Variants in PRKAR2A observed in about 807,000 individuals in gnomAD.
PRKAR2A encodes cAMP-dependent protein kinase type II-alpha regulatory subunit.
Under a neutral mutation model 51.9 loss-of-function variants are expected in PRKAR2A, and 29 were observed. That is an observed-to-expected ratio of 0.56 (90% CI 0.42 to 0.76). PRKAR2A has a LOEUF of 0.76. PRKAR2A is among the 30% of genes least tolerant of loss of function. The pLI is 0.00. For synonymous variants in PRKAR2A, 178 were observed against 186.2 expected, an observed-to-expected ratio of 0.96 and a Z score of 0.36; for missense variants, 445 against 512.1, an observed-to-expected ratio of 0.87 and a Z score of 1.26.
At chr3:48,788,591 T>C (rs898435153) in intron 4 of PRKAR2A, among the ~76,000 whole-genome samples, 2 of 152,182 alleles carry the variant, frequency 1.3e-5, no homozygotes, top group Non-Finnish European at 2.9e-5. Context: ...ACCCCAAAAT[T>C]TCATGTTAAA....
Position 48,790,526 on chromosome 3 carries a change from T to C in PRKAR2A, c.435+18A>G. ...TAAAAGATCATTATAATAAAAATAC[T>C]TTAGAAATCAATGTTACCTGATCAA... On this transcript the variant is annotated intron_variant, in intron 4 of 10. Transcript: ENST00000265563. The C allele has an allele frequency of 2.0e-6, 3 of 1,503,888 alleles. No homozygotes were observed. Among genetic ancestry groups the C allele is most frequent in the Non-Finnish European group, 2.7e-6 (3 of 1,121,312 alleles). The allele number at this position is 1,503,888 out of a possible 1,614,324, so 93.2% of individuals were successfully genotyped here. A position where few individuals can be genotyped will look rare whatever the true frequency, so the allele number is the denominator to read the frequency against.
Position 48,749,094 on chromosome 3 carries a change from A to G in PRKAR2A, c.*2491T>C, listed in dbSNP as rs932962818. The G allele has an allele frequency of 2.0e-5, 3 of 152,218 alleles. No individual in the cohort carries two copies. Among genetic ancestry groups the G allele is most frequent in the African/African-American group, 7.2e-5 (3 of 41,460 alleles). 9.4% of individuals were successfully genotyped at this position (152,218 alleles called of 1,614,324 possible). On this transcript the variant is annotated 3_prime_UTR_variant, in exon 11 of 11. Coordinates refer to ENST00000265563, the MANE Select transcript of PRKAR2A (RefSeq NM_004157.4). Reference sequence around the variant, plus strand: ...TGTGTGGGCCATCATTATCTACAATAGAAATGACTCAAGCCCTAGCATGTA... The same window carrying G: ...TGTGTGGGCCATCATTATCTACAATGGAAATGACTCAAGCCCTAGCATGTA...
At chr3:48,782,909 G>T in intron 5 of PRKAR2A, 77 bp downstream of exon 5, 1 of 1,077,622 alleles carries the variant, frequency 9.3e-7, no homozygotes, top group Non-Finnish European at 1.4e-6. Flanking sequence ...GCTGAATACA[G>T]AATAGGATAA....
At chr3:48,795,880 CG>C (rs1369135028) in intron 2 of PRKAR2A, among the ~76,000 whole-genome samples, 8 of 152,100 alleles carry the variant, frequency 5.3e-5, no homozygotes, top group Non-Finnish European at 1.0e-4. Context: ...AGTAAATAAA[CG>C]AACACACAGA....
At chr3:48,828,679 A>T (rs1276076366) in intron 1 of PRKAR2A, among the ~76,000 whole-genome samples, 5 of 125,104 alleles carry the variant, frequency 4.0e-5, no homozygotes, top group Non-Finnish European at 6.3e-5. Flanking sequence ...CTGTGATCGC[A>T]CCCGGGCAAC....
At chr3:48,811,046 G>T (rs1353959439) in intron 1 of PRKAR2A, among the ~76,000 whole-genome samples, 7 of 152,004 alleles carry the variant, frequency 4.6e-5, no homozygotes, top group Non-Finnish European at 1.5e-5. Context: ...AGGCGAGGTG[G>T]CATGCACTTG....
At chr3:48,760,697 T>G (rs2081850504) in intron 8 of PRKAR2A, among the ~76,000 whole-genome samples, 2 of 149,028 alleles carry the variant, frequency 1.3e-5, no homozygotes, top group Middle Eastern at 3.5e-3. Context: ...TAGCTGGGCA[T>G]GGTGGTGCAT....
In PRKAR2A at chr3:48,847,331, C is replaced by T; in HGVS notation, c.262+4G>A. On this transcript the variant is annotated splice_donor_region_variant and intron_variant, in intron 1 of 10. Transcript: ENST00000265563. The surrounding 1 kb of genome is among the most constrained non-coding windows in gnomAD (Gnocchi z 4.4). ...CACTCCCCAGGGCCCCGCCCACAGC[C>T]TACCTTCCAAGTCCTCGTCCTCCTC... 6.2e-7 allele frequency: 1 copy of T among 1,613,494 alleles called. No homozygotes were observed. Among genetic ancestry groups the T allele is most frequent in the Non-Finnish European group, 8.5e-7 (1 of 1,179,666 alleles).
At chr3:48,766,940 GTAGCTGGGAC>G (rs1471361545) in intron 6 of PRKAR2A, among the ~76,000 whole-genome samples, 1 of 152,128 alleles carries the variant, frequency 6.6e-6, no homozygotes, top group Non-Finnish European at 1.5e-5. Context: ...AGCCTCCCAA[GTAGCTGGGAC>G]TACAGGTACA....
rs2081587495 is a variant in PRKAR2A at position 48,748,110 on chromosome 3, G to C, written c.*3475C>G. On this transcript the variant is annotated 3_prime_UTR_variant, in exon 11 of 11. Transcript: ENST00000265563. ...GAACTGATGATCCATATGTCAATCA[G>C]TAGTTGGAGGAGGATGACTTTTTTT... 6.6e-6 allele frequency: 1 copy of C among 151,130 alleles called. No individual in the cohort carries two copies. The highest frequency in any genetic ancestry group is 1.5e-5 in the Non-Finnish European group (1 of 67,906). 9.4% of individuals were successfully genotyped at this position (151,130 alleles called of 1,614,324 possible).
At chr3:48,824,940 C>T (rs528824080) in intron 1 of PRKAR2A, among the ~76,000 whole-genome samples, 27 of 150,454 alleles carry the variant, frequency 1.8e-4, no homozygotes, top group South Asian at 4.2e-4. Context: ...AGTGAAATTC[C>T]GTCTCAAAAA....
intron 1 of PRKAR2A, among the ~76,000 whole-genome samples, chr3:48,825,040 T>G (rs1409236212): frequency 7.0e-6 from 1 of 143,370 alleles, no homozygotes; most frequent in East Asian, 2.1e-4. Flanking sequence ...TTTTTTTTTT[T>G]TTTTTTTTTT....
At chr3:48,773,222 C>G in intron 5 of PRKAR2A, 114 bp from the exon 6 acceptor site, 1 of 801,390 alleles carries the variant, frequency 1.2e-6, no homozygotes. Flanking sequence ...TGGAACTTTG[C>G]TAGTATATAA....
In PRKAR2A at chr3:48,773,339, C is replaced by CTT. The variant is rs34140561; in HGVS notation, c.543-233_543-232dup. Among the ~76,000 whole-genome samples, 505 of 87,656 alleles carry CTT rather than the reference C, an allele frequency of 5.8e-3. 5 individuals carry two copies. Among genetic ancestry groups the CTT allele is most frequent in the African/African-American group, 8.2e-3 (175 of 21,404 alleles). The allele number at this position is 87,656 out of a possible 152,430, so 57.5% of individuals were successfully genotyped here. Reference sequence around the variant, plus strand: ...TGTGGCATTCTTGGAATTTTCTTTTCTTTTTTTTTTTTTTTTTTTTTTGAG... The same window carrying CTT: ...TGTGGCATTCTTGGAATTTTCTTTTCTTTTTTTTTTTTTTTTTTTTTTTTGAG... On this transcript the variant is annotated intron_variant, in intron 5 of 10. Coordinates refer to ENST00000265563, the MANE Select transcript of PRKAR2A (RefSeq NM_004157.4).
At chr3:48,789,443 T>C (rs2082347160) in intron 4 of PRKAR2A, among the ~76,000 whole-genome samples, 1 of 152,090 alleles carries the variant, frequency 6.6e-6, no homozygotes. Context: ...CATAAATTTC[T>C]TTTTCCTTCT....
intron 2 of PRKAR2A, among the ~76,000 whole-genome samples, chr3:48,803,037 A>G (rs1489626757): frequency 2.0e-5 from 3 of 152,228 alleles, no homozygotes; most frequent in Non-Finnish European, 4.4e-5. Flanking sequence ...TAAATAGAGA[A>G]CAAGATCATC....
intron 1 of PRKAR2A, among the ~76,000 whole-genome samples, chr3:48,831,499 TACA>T (rs1195492352): frequency 6.6e-6 from 1 of 151,856 alleles, no homozygotes; most frequent in Non-Finnish European, 1.5e-5. Context: ...CTCTAGTAGC[TACA>T]ACTATAGGCG....
At chr3:48,754,667 G>T (rs530743214) in intron 9 of PRKAR2A, among the ~76,000 whole-genome samples, 2 of 151,840 alleles carry the variant, frequency 1.3e-5, no homozygotes, top group South Asian at 4.2e-4. Context: ...CCAGCTACTT[G>T]CGAGGCTGAG....
At chr3:48,784,993 G>A (rs781779783) in intron 4 of PRKAR2A, among the ~76,000 whole-genome samples, 29 of 152,066 alleles carry the variant, frequency 1.9e-4, no homozygotes, top group Non-Finnish European at 7.4e-5. Flanking sequence ...CTGGGAAAAC[G>A]GGAAATCTGA....
Sources: gnomAD v4.1 joint callset for allele counts (sites outside exome capture counted in the v4.1 genomes callset) on GRCh38, gnomAD v4.1.1 for gene constraint, Gnocchi (gnomAD v3.1) non-coding constraint, MANE v1.5 for transcripts, NCBI Gene and HGNC (gene_info 2026-07-23, HGNC 2026-07-21) for gene names.